DLC1: variants seen among roughly 807,000 people sequenced by gnomAD.
DLC1 encodes the protein DLC1 Rho GTPase activating protein, also known as rho GTPase-activating protein 7.
Under a neutral mutation model 140.3 loss-of-function variants are expected in DLC1, and 54 were observed. The observed-to-expected ratio is 0.38, with a 90% confidence interval of 0.31 to 0.48. The LOEUF (loss-of-function observed/expected upper bound fraction) is 0.48, where lower values mean the gene tolerates loss of function less well. Among genes scored for constraint, DLC1 ranks in the 20% least tolerant of loss-of-function variants. The pLI, the probability that DLC1 is intolerant of heterozygous loss-of-function variation, is 0.96. For missense variants in DLC1, 2,536 were observed against 1,907.0 expected, an observed-to-expected ratio of 1.33 and a Z score of -6.14; for synonymous variants, 986 against 728.1, an observed-to-expected ratio of 1.35 and a Z score of -5.70.
chr8:13,091,273 T>C lies in DLC1; in HGVS notation c.3855+45A>G, dbSNP rs779511573. 5.0e-6 allele frequency: 8 copies of C among 1,594,250 alleles called. No homozygotes were observed. In the African/African-American group the frequency reaches 9.4e-5, roughly 19 times the overall value. ...GGTCAAGCCTAAGATTTTGTACCTATTCACATTATCCTTAATAAAGGAGCC... is the reference window on the plus strand; with the variant it reads ...GGTCAAGCCTAAGATTTTGTACCTACTCACATTATCCTTAATAAAGGAGCC... On this transcript the variant is annotated intron_variant, in intron 14 of 17. Coordinates refer to ENST00000276297, the MANE Select transcript of DLC1 (RefSeq NM_182643.3).
At chr8:13,303,914 C>A (rs1389051814) in intron 5 of DLC1, among the ~76,000 whole-genome samples, 1 of 152,222 alleles carries the variant, frequency 6.6e-6, no homozygotes, top group Non-Finnish European at 1.5e-5. Context: ...AGAAAGAGAA[C>A]TCTCTGCCTT....
At chr8:13,420,233 C>G (rs762826424) in intron 2 of DLC1, among the ~76,000 whole-genome samples, 9 of 151,906 alleles carry the variant, frequency 5.9e-5, no homozygotes, top group Non-Finnish European at 1.2e-4. Flanking sequence ...CTCAGAGTAC[C>G]TACTTTTCTT....
At chr8:13,124,546 C>T (rs11779801) in intron 5 of DLC1, among the ~76,000 whole-genome samples, 15,313 of 152,240 alleles carry the variant, frequency 0.1, 1,150 homozygotes, top group African/African-American at 0.2. Flanking sequence ...TGTAAAACAG[C>T]TTTGCACCTG....
chr8:13,313,468 C>G (rs1832758244), intron 4 of DLC1, among the ~76,000 whole-genome samples: 1 of 152,172 alleles, frequency 6.6e-6, no homozygotes, highest in African/African-American at 2.4e-5. Flanking sequence ...CTAGAACTCT[C>G]TGAGCTCAGT....
chr8:13,453,422 A>ATTTTTTTTTTTTTTTTT (rs1554523043), intron 2 of DLC1, among the ~76,000 whole-genome samples: 2 of 32,572 alleles, frequency 6.1e-5, no homozygotes, highest in African/African-American at 1.6e-4. Flanking sequence ...ATATATATAT[A>ATTTTTTTTTTTTTTTTT]TGTGTATATA....
Position 13,100,710 on chromosome 8 carries a change from C to G in DLC1, c.1627G>C (p.Asp543His), listed in dbSNP as rs376426804. The G allele has an allele frequency of 1.2e-6, 2 of 1,608,200 alleles. No homozygotes were observed. The highest frequency in any genetic ancestry group is 1.7e-6 in the Non-Finnish European group (2 of 1,177,588). The change falls in exon 9 of 18, where the codon GAC (aspartate) becomes CAC (histidine). Residue 543 changes from aspartate to histidine, a missense_variant. Asp to His is a moderately conservative substitution (Grantham distance 81). Coordinates refer to ENST00000276297, the MANE Select transcript of DLC1 (RefSeq NM_182643.3). ...TCAAGCCGGGACCACCTCTTGCTGT[C>G]CCTTTGGAAAGTCCATTTGCCACTG... Reference protein sequence around the residue: ...AISGKWTFQRDSKRWSRLEEF... With the variant: ...AISGKWTFQRHSKRWSRLEEF...
intron 4 of DLC1, among the ~76,000 whole-genome samples, chr8:13,351,926 G>A (rs1834687580): frequency 6.6e-6 from 1 of 152,184 alleles, no homozygotes; most frequent in Non-Finnish European, 1.5e-5. Context: ...TAGAGACGGT[G>A]TTTCACCATG....
intron 2 of DLC1, among the ~76,000 whole-genome samples, chr8:13,480,004 T>G (rs1235725556): frequency 6.6e-6 from 1 of 152,158 alleles, no homozygotes; most frequent in East Asian, 1.9e-4. Flanking sequence ...AGGTGGGGGC[T>G]GCAGTGAGCT....
intron 5 of DLC1, among the ~76,000 whole-genome samples, chr8:13,185,324 T>TTTTTA (rs57580943): frequency 7.3e-6 from 1 of 136,242 alleles, no homozygotes; most frequent in Non-Finnish European, 1.6e-5. Context: ...TTGTTTGTTT[T>TTTTTA]TGAGATGGAG....
intron 5 of DLC1, chr8:13,116,065 A>T: frequency 1.1e-6 from 1 of 893,186 alleles, no homozygotes; most frequent in South Asian, 5.0e-5. Context: ...TACCTCCACC[A>T]CCACGCTAAA....
chr8:13,395,224 A>G (rs4831418), intron 3 of DLC1, among the ~76,000 whole-genome samples: 58,055 of 151,216 alleles, frequency 0.38, 12,058 homozygotes, highest in Non-Finnish European at 0.46. Flanking sequence ...GAGTTCATGC[A>G]ATTCTCCTGC....
chr8:13,596,389 AG>A (rs1411473405), intron 1 of DLC1, among the ~76,000 whole-genome samples: 1 of 152,002 alleles, frequency 6.6e-6, no homozygotes, highest in African/African-American at 2.4e-5. Context: ...AACAGACTTC[AG>A]CCTCAAGTGT....
chr8:13,438,177 C>G (rs911084185), intron 2 of DLC1, among the ~76,000 whole-genome samples: 10 of 152,108 alleles, frequency 6.6e-5, no homozygotes, highest in African/African-American at 2.4e-4. Context: ...AACCGATGCT[C>G]AAGCCTCATC....
At chr8:13,281,481 A>T (rs1030651583) in intron 5 of DLC1, among the ~76,000 whole-genome samples, 1 of 152,236 alleles carries the variant, frequency 6.6e-6, no homozygotes, top group African/African-American at 2.4e-5. Flanking sequence ...GTATCTACGC[A>T]TATAGTTCTT....
chr8:13,451,357 C>T (rs1799049852), intron 2 of DLC1, among the ~76,000 whole-genome samples: 1 of 152,076 alleles, frequency 6.6e-6, no homozygotes, highest in Admixed American at 6.6e-5. Context: ...CGCATCTACC[C>T]TTTGTGTAAT....
At chr8:13,483,727 A>G (rs1390154653) in intron 2 of DLC1, among the ~76,000 whole-genome samples, 2 of 152,128 alleles carry the variant, frequency 1.3e-5, no homozygotes, top group Non-Finnish European at 2.9e-5. Flanking sequence ...CTTGAAAACC[A>G]TGTCTTCCAT....
Position 13,233,381 on chromosome 8 carries a change from G to T in DLC1, c.1348+71888C>A, listed in dbSNP as rs570894260. Among the ~76,000 whole-genome samples the T allele has an allele frequency of 1.5e-4, 22 of 146,866 alleles. No individual in the cohort carries two copies. The East Asian group carries it at 4.2e-3, about 28-fold the overall frequency. On this transcript the variant is annotated intron_variant, in intron 5 of 17. Coordinates refer to ENST00000276297, the MANE Select transcript of DLC1 (RefSeq NM_182643.3). ...GCAAAATAGATATTTGAAAACTCCG[G>T]TTTACAACCCTTGGCCATTTTTACC...
At chr8:13,405,144 T>G (rs187029490) in intron 2 of DLC1, among the ~76,000 whole-genome samples, 21 of 152,278 alleles carry the variant, frequency 1.4e-4, no homozygotes, top group Admixed American at 5.9e-4. Context: ...ATTAACATAT[T>G]TTTTATTTCA....
intron 4 of DLC1, among the ~76,000 whole-genome samples, chr8:13,331,721 C>A (rs908586592): frequency 6.6e-6 from 1 of 151,688 alleles, no homozygotes; most frequent in Admixed American, 6.6e-5. Flanking sequence ...TTTCATAAAA[C>A]CTGAAACTCA....
Sources: allele counts gnomAD v4.1 joint callset (sites outside exome capture counted in the v4.1 genomes callset), GRCh38; gene constraint gnomAD v4.1.1; transcripts MANE v1.5; gene names NCBI Gene and HGNC (gene_info 2026-07-23, HGNC 2026-07-21).